Variants in NBEA observed in about 807,000 individuals in gnomAD.
NBEA encodes the protein lysosomal-trafficking regulator 2.
In NBEA, 44 loss-of-function variants were observed where a neutral mutation model predicts 343.4. The ratio of observed to expected loss-of-function variants is 0.13; its 90% CI spans 0.10 to 0.16. NBEA has a LOEUF of 0.16. Among genes scored for constraint, NBEA ranks in the 10% least tolerant of loss-of-function variants. NBEA has a pLI of 1.00. For synonymous variants in NBEA, 1,175 were observed against 1,238.7 expected (o/e 0.95, Z 1.08); for missense variants, 2,555 against 3,631.3 (o/e 0.70, Z 7.62).
At position 35,058,426 on chromosome 13, in the gene NBEA, A is replaced by C. The variant is rs139663786; in HGVS notation, c.1093-291A>C. On this transcript the variant is annotated intron_variant, in intron 7 of 58. Transcript: ENST00000379939. ...TTAGTTTAACTTTTGTAAATAAATA[A>C]TTATAAGCTATTTTGCCTTTAACTA... Among the ~76,000 whole-genome samples the C allele has an allele frequency of 3.4e-3, 512 of 152,224 alleles. 3 individuals are homozygous for C. The highest frequency in any genetic ancestry group is 0.012 in the African/African-American group (490 of 41,556).
At chr13:35,253,304 C>T (rs563466607) in intron 34 of NBEA, among the ~76,000 whole-genome samples, 4 of 152,314 alleles carry the variant, frequency 2.6e-5, no homozygotes, top group Admixed American at 6.5e-5. Flanking sequence ...TCTACTGGCA[C>T]CACTTTTCCA....
chr13:34,948,783 G>T (rs909512607), intron 1 of NBEA, among the ~76,000 whole-genome samples: 1 of 152,054 alleles, frequency 6.6e-6, no homozygotes, highest in African/African-American at 2.4e-5. Flanking sequence ...GGAATTTTAG[G>T]GATGTTGGAA....
intron 41 of NBEA, chr13:35,474,995 G>A: frequency 6.6e-7 from 1 of 1,517,694 alleles, no homozygotes; most frequent in Non-Finnish European, 8.9e-7. Context: ...GAATTGAACA[G>A]AAGTTTACAC....
chr13:35,273,130 G>T (rs2034299228), intron 34 of NBEA, among the ~76,000 whole-genome samples: 1 of 152,102 alleles, frequency 6.6e-6, no homozygotes, highest in Admixed American at 6.6e-5. Flanking sequence ...AAATGAAAAA[G>T]AACAGAAATC....
At chr13:35,083,367 G>A (rs978724320) in intron 10 of NBEA, among the ~76,000 whole-genome samples, 2 of 151,908 alleles carry the variant, frequency 1.3e-5, no homozygotes, top group Non-Finnish European at 2.9e-5. Context: ...CTCCAGGGTC[G>A]GGTTACCCAC....
intron 1 of NBEA, among the ~76,000 whole-genome samples, chr13:34,984,638 A>G (rs949283931): frequency 4.6e-5 from 7 of 151,128 alleles, no homozygotes; most frequent in East Asian, 1.9e-4. Context: ...CTTGGGCAGT[A>G]TGGCCATTTT....
At chr13:35,418,438 G>A (rs2044074436) in intron 38 of NBEA, among the ~76,000 whole-genome samples, 1 of 151,932 alleles carries the variant, frequency 6.6e-6, no homozygotes, top group Non-Finnish European at 1.5e-5. Context: ...GTATAGTGAT[G>A]AATTTCAGTA....
chr13:35,553,637 C>A (rs998395229), intron 43 of NBEA, among the ~76,000 whole-genome samples: 11 of 152,098 alleles, frequency 7.2e-5, no homozygotes, highest in African/African-American at 2.7e-4. Flanking sequence ...TTTTGATAAT[C>A]TTTTGTGCTA....
intron 1 of NBEA, among the ~76,000 whole-genome samples, chr13:34,970,205 T>G (rs1324137230): frequency 3.9e-5 from 6 of 152,244 alleles, no homozygotes; most frequent in Admixed American, 6.5e-5. Flanking sequence ...TTTTGAGAAG[T>G]GTCTGTTCAT....
At chr13:35,635,864 T>C (rs895119648) in intron 49 of NBEA, among the ~76,000 whole-genome samples, 18 of 152,246 alleles carry the variant, frequency 1.2e-4, no homozygotes, top group South Asian at 2.1e-4. Context: ...TGGTCATCAA[T>C]CGTCCACTAG....
At chr13:35,259,361 A>G (rs1180571424) in intron 34 of NBEA, among the ~76,000 whole-genome samples, 1 of 152,150 alleles carries the variant, frequency 6.6e-6, no homozygotes, top group Non-Finnish European at 1.5e-5. Context: ...CAATTTTGTT[A>G]ACAGGTATCA....
chr13:35,069,502 A>G (rs567136430), intron 8 of NBEA, among the ~76,000 whole-genome samples: 2 of 152,130 alleles, frequency 1.3e-5, no homozygotes, highest in African/African-American at 2.4e-5. Flanking sequence ...GCCTCAAATG[A>G]TAGTCATTTT....
At chr13:35,338,123 A>G (rs2039375052) in intron 36 of NBEA, among the ~76,000 whole-genome samples, 1 of 151,968 alleles carries the variant, frequency 6.6e-6, no homozygotes, top group Non-Finnish European at 1.5e-5. Flanking sequence ...CAATTAAAAT[A>G]TAAATAAAGC....
At chr13:35,083,349 C>A (rs1039652886) in intron 10 of NBEA, among the ~76,000 whole-genome samples, 7 of 151,820 alleles carry the variant, frequency 4.6e-5, no homozygotes, top group Non-Finnish European at 7.4e-5. Flanking sequence ...AGTCAGGTAG[C>A]GTGATGCCTC....
At chr13:35,299,142 A>G (rs1370499635) in intron 35 of NBEA, among the ~76,000 whole-genome samples, 2 of 152,286 alleles carry the variant, frequency 1.3e-5, no homozygotes, top group East Asian at 3.9e-4. Flanking sequence ...ACACCTATGT[A>G]TTTTAGTGAC....
intron 41 of NBEA, among the ~76,000 whole-genome samples, chr13:35,478,235 C>CTA (rs2075967346): frequency 6.6e-6 from 1 of 152,136 alleles, no homozygotes; most frequent in Non-Finnish European, 1.5e-5. Flanking sequence ...TGATAGATTC[C>CTA]AATTTAGCTG....
chr13:35,633,354 G>A (rs543218586), intron 49 of NBEA, among the ~76,000 whole-genome samples: 9 of 149,848 alleles, frequency 6.0e-5, no homozygotes, highest in African/African-American at 1.9e-4. Context: ...CGCCCACCTC[G>A]GCCTTCCAAA....
intron 48 of NBEA, among the ~76,000 whole-genome samples, chr13:35,625,740 G>T (rs1213989372): frequency 6.6e-6 from 1 of 152,074 alleles, no homozygotes; most frequent in Non-Finnish European, 1.5e-5. Context: ...AAACCCAAAA[G>T]ACCAACAAGC....
intron 38 of NBEA, among the ~76,000 whole-genome samples, chr13:35,397,139 C>T (rs2042784426): frequency 6.6e-6 from 1 of 152,194 alleles, no homozygotes; most frequent in Non-Finnish European, 1.5e-5. Flanking sequence ...CTTCAAGACC[C>T]CAAATGAATT....
Sources: allele counts gnomAD v4.1 joint callset (sites outside exome capture counted in the v4.1 genomes callset), GRCh38; gene constraint gnomAD v4.1.1; transcripts MANE v1.5; gene names NCBI Gene and HGNC (gene_info 2026-07-23, HGNC 2026-07-21).